KIAA0825: variants seen among roughly 807,000 people sequenced by gnomAD.
The protein encoded by KIAA0825 is uncharacterized protein KIAA0825.
Under a neutral mutation model 147.6 loss-of-function variants are expected in KIAA0825, and 119 were observed. The ratio of observed to expected loss-of-function variants is 0.81; its 90% CI spans 0.69 to 0.94. The LOEUF is 0.94. Among genes scored for constraint, KIAA0825 ranks in the 40% least tolerant of loss-of-function variants. The pLI, the probability that KIAA0825 is intolerant of heterozygous loss-of-function variation, is 0.00. For synonymous variants in KIAA0825, 470 were observed against 518.1 expected (o/e 0.91, Z 1.26); for missense variants, 1,381 against 1,472.7 (o/e 0.94, Z 1.02).
chr5:94,315,052 T>C (rs1420030042), intron 20 of KIAA0825, among the ~76,000 whole-genome samples: 1 of 151,608 alleles, frequency 6.6e-6, no homozygotes. Context: ...TCTTGAAAAA[T>C]ATTTTTATTT....
At chr5:94,385,857 T>G (rs80022700) in intron 19 of KIAA0825, among the ~76,000 whole-genome samples, 1 of 152,328 alleles carries the variant, frequency 6.6e-6, no homozygotes, top group East Asian at 1.9e-4. Flanking sequence ...TTTTCTAATT[T>G]GCCTGATAAA....
chr5:94,191,615 C>T (rs1291877171), intron 20 of KIAA0825, among the ~76,000 whole-genome samples: 2 of 151,958 alleles, frequency 1.3e-5, no homozygotes, highest in Admixed American at 6.6e-5. Context: ...TTAAATCAAA[C>T]AAAAAAAGTT....
intron 5 of KIAA0825, among the ~76,000 whole-genome samples, chr5:94,505,989 T>C (rs922700387): frequency 3.3e-5 from 5 of 152,240 alleles, no homozygotes; most frequent in African/African-American, 1.2e-4. Flanking sequence ...ATCAATCTAT[T>C]GACTATTGTC....
At position 94,331,184 on chromosome 5, in the gene KIAA0825, A is replaced by G. The variant is rs1379904902; in HGVS notation, c.3710+53184T>C. Among the ~76,000 whole-genome samples the G allele has an allele frequency of 3.3e-5, 5 of 151,688 alleles. No individual in the cohort carries two copies. In the South Asian group the frequency reaches 6.2e-4, roughly 19 times the overall value. On this transcript the variant is annotated intron_variant, in intron 20 of 20. Transcript: ENST00000682413. ...AGAGAGAGAAAGAAAGAAGAAGAGA[A>G]GAAAGGAAGGAAGGAAGGAAAGAGA...
intron 6 of KIAA0825, among the ~76,000 whole-genome samples, chr5:94,479,915 G>T (rs1358077471): frequency 6.6e-6 from 1 of 152,026 alleles, no homozygotes; most frequent in Non-Finnish European, 1.5e-5. Flanking sequence ...GATCTTTTAT[G>T]AATTTTTAAA....
At chr5:94,368,257 C>T (rs1297842605) in intron 20 of KIAA0825, among the ~76,000 whole-genome samples, 5 of 152,158 alleles carry the variant, frequency 3.3e-5, no homozygotes, top group Non-Finnish European at 4.4e-5. Flanking sequence ...ACTACAGTCC[C>T]GACTTTCTGG....
intron 6 of KIAA0825, among the ~76,000 whole-genome samples, chr5:94,479,542 T>C (rs1255488969): frequency 6.6e-6 from 1 of 152,170 alleles, no homozygotes; most frequent in Non-Finnish European, 1.5e-5. Flanking sequence ...CAGTTATGAA[T>C]AACGCTGCTA....
At chr5:94,213,757 A>G (rs1772958372) in intron 20 of KIAA0825, among the ~76,000 whole-genome samples, 1 of 152,110 alleles carries the variant, frequency 6.6e-6, no homozygotes, top group Non-Finnish European at 1.5e-5. Flanking sequence ...CCTTCCCTCT[A>G]GCCTGGCCTG....
intron 20 of KIAA0825, among the ~76,000 whole-genome samples, chr5:94,346,905 T>C (rs531146319): frequency 6.6e-6 from 1 of 152,194 alleles, no homozygotes; most frequent in African/African-American, 2.4e-5. Flanking sequence ...TGGAGGCAGA[T>C]AGCCTGGGGC....
At chr5:94,316,741 C>T (rs1779699696) in intron 20 of KIAA0825, among the ~76,000 whole-genome samples, 1 of 151,736 alleles carries the variant, frequency 6.6e-6, no homozygotes. Context: ...CTTTTGCATC[C>T]TTTCAGAGTG....
intron 17 of KIAA0825, among the ~76,000 whole-genome samples, chr5:94,392,972 A>G (rs532141078): frequency 3.3e-4 from 50 of 152,144 alleles, no homozygotes; most frequent in African/African-American, 1.2e-3. Flanking sequence ...TTGAAGGTGC[A>G]TACAGGTTGC....
In KIAA0825 at chr5:94,523,182, G is replaced by A. The variant is rs141084179; in HGVS notation, c.300+748C>T. On this transcript the variant is annotated intron_variant, in intron 4 of 20. Coordinates refer to ENST00000682413, the MANE Select transcript of KIAA0825 (RefSeq NM_001145678.3). ...CCAGATATTTTCCACATCTGTCTTAGTCAATGTTTGATGTTTAGACAAAAA... is the reference window on the plus strand; with the variant it reads ...CCAGATATTTTCCACATCTGTCTTAATCAATGTTTGATGTTTAGACAAAAA... 1.3e-4 allele frequency among the ~76,000 whole-genome samples: 19 copies of A among 151,680 alleles called. No individual in the cohort carries two copies. The East Asian group carries it at 1.3e-3, about 11-fold the overall frequency.
intron 20 of KIAA0825, among the ~76,000 whole-genome samples, chr5:94,201,142 T>C (rs1250176006): frequency 6.6e-6 from 1 of 150,408 alleles, no homozygotes; most frequent in Non-Finnish European, 1.5e-5. Flanking sequence ...GAACAGGTGC[T>C]TGAGACTCTG....
chr5:94,402,852 A>G (rs1751564816), intron 16 of KIAA0825, among the ~76,000 whole-genome samples: 1 of 152,064 alleles, frequency 6.6e-6, no homozygotes, highest in African/African-American at 2.4e-5. Context: ...AAGATTCACG[A>G]ATACAGGTAC....
chr5:94,334,132 A>C (rs1781556275), intron 20 of KIAA0825, among the ~76,000 whole-genome samples: 1 of 150,266 alleles, frequency 6.7e-6, no homozygotes. Context: ...CTACAAAAAA[A>C]TTACGATTAA....
intron 13 of KIAA0825, 119 bp downstream of exon 13, chr5:94,452,840 A>T: frequency 1.9e-6 from 1 of 531,520 alleles, no homozygotes; most frequent in Non-Finnish European, 3.2e-6. Context: ...GCCAATTGTG[A>T]AAAGTCGTAA....
intron 10 of KIAA0825, among the ~76,000 whole-genome samples, chr5:94,465,947 A>T (rs1265950396): frequency 2.6e-5 from 4 of 152,204 alleles, no homozygotes; most frequent in Non-Finnish European, 5.9e-5. Context: ...ATTTTCTTCA[A>T]ATCAGATCAA....
At chr5:94,532,625 C>G (rs540993379) in intron 3 of KIAA0825, among the ~76,000 whole-genome samples, 1 of 151,704 alleles carries the variant, frequency 6.6e-6, no homozygotes, top group South Asian at 2.1e-4. Context: ...TTCCTGGGCT[C>G]AAGCAATCCT....
intron 1 of KIAA0825, among the ~76,000 whole-genome samples, chr5:94,612,968 A>G (rs1009961602): frequency 6.6e-6 from 1 of 152,220 alleles, no homozygotes; most frequent in African/African-American, 2.4e-5. Context: ...TACTTTACAG[A>G]TGAAGAAATT....
Sources: allele counts gnomAD v4.1 joint callset (sites outside exome capture counted in the v4.1 genomes callset), GRCh38; gene constraint gnomAD v4.1.1; transcripts MANE v1.5; gene names NCBI Gene and HGNC (gene_info 2026-07-23, HGNC 2026-07-21).